The following NKD2 variants were observed in gnomAD, a reference collection of about 807,000 sequenced individuals.
NKD2 encodes protein naked cuticle homolog 2.
In NKD2, 43 loss-of-function variants were observed where a neutral mutation model predicts 34.8. The ratio of observed to expected loss-of-function variants is 1.24; its 90% CI spans 0.97 to 1.60. NKD2 has a LOEUF of 1.60. Among genes scored for constraint, NKD2 ranks in the 40% most tolerant of loss-of-function variants. NKD2 has a pLI of 0.00. For synonymous variants in NKD2, 278 were observed against 265.1 expected (o/e 1.05, Z -0.47); for missense variants, 675 against 627.1 (o/e 1.08, Z -0.82).
chr5:1,035,997 T>C (rs1733897449), intron 8 of NKD2: 2 of 645,660 alleles, frequency 3.1e-6, no homozygotes, highest in South Asian at 9.2e-5. Context: ...CACTACAGCA[T>C]GAGCCACTCC....
chr5:1,036,269 T>C lies in NKD2; in HGVS notation c.672T>C (p.Thr224=). ...GTGCTCCAAGCAGGAGGCCCAGTAC[T>C]GACCCCCAGCCCTGCTCGGAGCGGG... ...RLSAHVRRPS[T]DPQPCSERGP... The change falls in exon 9 of 10, where the codon ACT becomes ACC. Residue 224 remains threonine (T), a synonymous_variant. Coordinates refer to ENST00000296849, the MANE Select transcript of NKD2 (RefSeq NM_033120.4). The C allele has an allele frequency of 6.2e-7, 1 of 1,607,086 alleles. No homozygotes were observed.
intron 4 of NKD2, among the ~76,000 whole-genome samples, 168 bp downstream of exon 4, chr5:1,032,380 T>G (rs939498071): frequency 5.9e-5 from 9 of 152,160 alleles, no homozygotes; most frequent in Non-Finnish European, 1.5e-5. Flanking sequence ...ACTCACAGGG[T>G]CCTCGCTGGA....
intron 3 of NKD2, 123 bp from the exon 4 acceptor site, chr5:1,032,029 T>G: frequency 1.4e-6 from 1 of 735,764 alleles, no homozygotes; most frequent in Non-Finnish European, 2.4e-6. Context: ...ACCCAGAGAT[T>G]GAGACGCCCC....
At chr5:1,033,108 C>T (rs1057403329) in intron 4 of NKD2, among the ~76,000 whole-genome samples, 2 of 152,178 alleles carry the variant, frequency 1.3e-5, no homozygotes, top group African/African-American at 4.8e-5. Context: ...CTGTGCTCCT[C>T]GGAGTCTGCT....
chr5:1,019,303 C>T (rs138390361), intron 3 of NKD2, among the ~76,000 whole-genome samples: 175 of 152,282 alleles, frequency 1.1e-3, no homozygotes, highest in African/African-American at 4.1e-3. Flanking sequence ...CTTCCTGAGA[C>T]GAGATTGTGT....
Position 1,038,139 on chromosome 5 carries a change from GC to G in NKD2, c.1127del (p.Pro376HisfsTer52). The G allele has an allele frequency of 6.3e-7, 1 of 1,586,868 alleles. No individual in the cohort carries two copies. On this transcript the variant is annotated frameshift_variant, in exon 10 of 10. Coordinates refer to ENST00000296849, the MANE Select transcript of NKD2 (RefSeq NM_033120.4). LOFTEE classifies it low-confidence loss of function (END_TRUNC). This position sits in a 1 kb window ranked among gnomAD's most constrained non-coding sequence, Gnocchi z 4.5. ...CTCAGGACGGCCACCACCTCCCGCA[GC>G]CCCCACCGCCACCCTACGGCCACAA... Reference protein sequence around the residue: ...APQDGHHLPQPPPPPYGHKRY... With the variant: ...APQDGHHLPQXPPPPYGHKRY...
intron 3 of NKD2, among the ~76,000 whole-genome samples, chr5:1,012,765 GCTGCCCCTTCC>G (rs528465482): frequency 2.0e-3 from 306 of 152,314 alleles, no homozygotes; most frequent in East Asian, 0.015. Context: ...CAGGGGTGGG[GCTGCCCCTTCC>G]CTGCCCCTTC....
intron 3 of NKD2, among the ~76,000 whole-genome samples, chr5:1,015,151 A>G (rs998441959): frequency 1.3e-5 from 2 of 152,216 alleles, no homozygotes; most frequent in Non-Finnish European, 2.9e-5. Context: ...GGGTGCTGCA[A>G]GCCAGAGGGG....
intron 5 of NKD2, 75 bp from the exon 6 acceptor site, chr5:1,034,160 G>T (rs1733679741): frequency 4.6e-6 from 5 of 1,079,562 alleles, no homozygotes; most frequent in Admixed American, 2.1e-5. Context: ...GGCCCCAGAA[G>T]ATCCTTCCCC....
rs1036417103 is a variant in NKD2 at position 1,038,602 on chromosome 5, G to A, written c.*229G>A. On this transcript the variant is annotated 3_prime_UTR_variant, in exon 10 of 10. Coordinates refer to ENST00000296849, the MANE Select transcript of NKD2 (RefSeq NM_033120.4). The surrounding 1 kb of genome is among the most constrained non-coding windows in gnomAD (Gnocchi z 4.5). ...TCTTCTGCCCTCGATGCCACATGGC[G>A]GTGAACACATCTGAAGCCACTATGT... 46 of 826,238 alleles carry A rather than the reference G, an allele frequency of 5.6e-5. No homozygotes were observed. Among genetic ancestry groups the A allele is most frequent in the South Asian group, 9.1e-5 (6 of 65,876 alleles). 51.2% of individuals were successfully genotyped at this position (826,238 alleles called of 1,614,324 possible). A position where few individuals can be genotyped will look rare whatever the true frequency, so the allele number is the denominator to read the frequency against.
chr5:1,036,286 C>T lies in NKD2; in HGVS notation c.689C>T (p.Ser230Leu), dbSNP rs138758144. 9.3e-5 allele frequency: 150 copies of T among 1,611,492 alleles called. 1 individual carries two copies. Among genetic ancestry groups the T allele is most frequent in the South Asian group, 1.9e-4 (17 of 90,800 alleles). ...CCCAGTACTGACCCCCAGCCCTGCT[C>T]GGAGCGGGGGCCCTACTGCGTGGAC... ...RRPSTDPQPC[S>L]ERGPYCVDEN... Residue 230 changes from serine to leucine, a missense_variant, in exon 9 of 10, where the codon TCG (serine) becomes TTG (leucine). Transcript: ENST00000296849.
intron 8 of NKD2, chr5:1,035,993 A>G: frequency 1.7e-6 from 1 of 605,604 alleles, no homozygotes. Flanking sequence ...GTGCCACTAC[A>G]GCATGAGCCA....
intron 9 of NKD2, 119 bp downstream of exon 9, chr5:1,036,503 A>ACC (rs1491491725): frequency 4.9e-6 from 1 of 205,026 alleles, no homozygotes; most frequent in African/African-American, 5.2e-5. Flanking sequence ...CCCCCCCCCA[A>ACC]CCCCCCCCAC....
At position 1,009,299 on chromosome 5, in the gene NKD2, C is replaced by T. The variant is rs960372324; in HGVS notation, c.61+85C>T. On this transcript the variant is annotated intron_variant, in intron 2 of 9. Transcript: ENST00000296849. This position sits in a 1 kb window ranked among gnomAD's most constrained non-coding sequence, Gnocchi z 6.9. The stretch of plus-strand genomic sequence containing the variant: ...GCTAGGAGCCCGCGCGCGTCCTGCC[C>T]TGGAGCCAGCAGTGGGGGGACGGGG... 15 of 505,694 alleles carry T rather than the reference C, an allele frequency of 3.0e-5. No homozygotes were observed. The highest frequency in any genetic ancestry group is 5.1e-4 in the Middle Eastern group (1 of 1,948). The allele number at this position is 505,694 out of a possible 1,614,324, so 31.3% of individuals were successfully genotyped here. A position where few individuals can be genotyped will look rare whatever the true frequency, so the allele number is the denominator to read the frequency against.
At chr5:1,016,364 G>C (rs915316749) in intron 3 of NKD2, among the ~76,000 whole-genome samples, 1 of 152,270 alleles carries the variant, frequency 6.6e-6, no homozygotes. Context: ...AATTGGGTCT[G>C]TTCGATCCTG....
chr5:1,036,467 AG>A (rs1473736608), intron 9 of NKD2, 83 bp downstream of exon 9: 2 of 1,166,422 alleles, frequency 1.7e-6, no homozygotes, highest in Non-Finnish European at 1.2e-6. Flanking sequence ...CCCTGAGTGC[AG>A]GGGGCCCCTC....
rs1381330933 is a variant in NKD2 at position 1,037,549 on chromosome 5, G to A, written c.788-256G>A. The A allele has an allele frequency of 1.5e-5, 23 of 1,535,774 alleles. No homozygotes were observed. The South Asian group carries it at 1.5e-4, about 10-fold the overall frequency. On this transcript the variant is annotated intron_variant, in intron 9 of 9. Coordinates refer to ENST00000296849, the MANE Select transcript of NKD2 (RefSeq NM_033120.4). Reference sequence around the variant, plus strand: ...TCAGCTGTGCGAGAAGAGAAGCTCCGCTCCCAGGACACACAGTGGGGACAA... The same window carrying A: ...TCAGCTGTGCGAGAAGAGAAGCTCCACTCCCAGGACACACAGTGGGGACAA...
rs550884486 is a variant in NKD2, at chr5:1,037,986, G to A, written c.969G>A (p.Pro323=). 63 of 1,605,450 alleles carry A rather than the reference G, an allele frequency of 3.9e-5. No homozygotes were observed. In the Middle Eastern group the frequency reaches 5.1e-4, roughly 13 times the overall value. The part of the protein sequence containing the change: ...AARALDTQPR[P]KGPEKQFLKS... ...GGGCCCTGGACACGCAGCCCCGGCCGAAGGGGCCGGAGAAGCAGTTCCTCA... is the reference window on the plus strand; with the variant it reads ...GGGCCCTGGACACGCAGCCCCGGCCAAAGGGGCCGGAGAAGCAGTTCCTCA... The change falls in exon 10 of 10, where the codon CCG becomes CCA. Residue 323 remains proline (P), a synonymous_variant. Transcript: ENST00000296849.
rs761692081 is a variant in NKD2, at chr5:1,034,304, G to C, written c.400G>C (p.Asp134His). 11 of 1,612,910 alleles carry C rather than the reference G, an allele frequency of 6.8e-6. No homozygotes were observed. Among genetic ancestry groups the C allele is most frequent in the Middle Eastern group, 1.7e-4 (1 of 6,058 alleles). The change falls in exon 6 of 10, where the codon GAC becomes CAC. Residue 134 changes from aspartate (D) to histidine (H), a missense_variant. Transcript: ENST00000296849. ...QEWTFTLYDF[D>H]NCGKVTREDM... ...GTGGACGTTCACGCTCTATGACTTT[G>C]ACAACTGCGGGAAGGTCACCAGGGA...
Sources: allele counts gnomAD v4.1 joint callset (sites outside exome capture counted in the v4.1 genomes callset), GRCh38; gene constraint gnomAD v4.1.1; non-coding constraint Gnocchi (gnomAD v3.1); transcripts MANE v1.5; gene names NCBI Gene and HGNC (gene_info 2026-07-23, HGNC 2026-07-21).